Variants in SLC24A2 observed in about 807,000 individuals in gnomAD.
SLC24A2 encodes sodium/potassium/calcium exchanger 2.
In SLC24A2, 36 loss-of-function variants were observed where a neutral mutation model predicts 62.0. The observed-to-expected ratio is 0.58, with a 90% CI of 0.44 to 0.77. The LOEUF (loss-of-function observed/expected upper bound fraction) is 0.77, where lower values mean the gene tolerates loss of function less well. Among genes scored for constraint, SLC24A2 ranks in the 30% least tolerant of loss-of-function variants. SLC24A2 has a pLI of 0.00. For synonymous variants in SLC24A2, 358 were observed against 294.0 expected, an observed-to-expected ratio of 1.22 and a Z score of -2.23; for missense variants, 846 against 817.9, an observed-to-expected ratio of 1.03 and a Z score of -0.42.
chr9:19,605,246 G>C (rs1024752315), intron 4 of SLC24A2, among the ~76,000 whole-genome samples: 4 of 152,094 alleles, frequency 2.6e-5, no homozygotes, highest in African/African-American at 7.2e-5. Flanking sequence ...TTAATAGAGA[G>C]AATAAATGCT....
chr9:19,670,314 T>C (rs1167291401), intron 2 of SLC24A2, among the ~76,000 whole-genome samples: 1 of 152,212 alleles, frequency 6.6e-6, no homozygotes, highest in African/African-American at 2.4e-5. Flanking sequence ...AGTGCTGATA[T>C]TGACAAAAGC....
intron 2 of SLC24A2, among the ~76,000 whole-genome samples, chr9:19,736,664 C>A (rs1415096428): frequency 6.6e-6 from 1 of 152,064 alleles, no homozygotes; most frequent in East Asian, 1.9e-4. Context: ...CATAGTGAGA[C>A]CCTCGTCTCT....
At chr9:19,563,986 T>C (rs187982699) in intron 7 of SLC24A2, among the ~76,000 whole-genome samples, 62 of 151,876 alleles carry the variant, frequency 4.1e-4, no homozygotes, top group Admixed American at 1.4e-3. Context: ...CCAAAGTAGC[T>C]AGAACCACAG....
intron 2 of SLC24A2, among the ~76,000 whole-genome samples, chr9:19,734,133 T>A (rs961145716): frequency 6.6e-6 from 1 of 152,198 alleles, no homozygotes; most frequent in Non-Finnish European, 1.5e-5. Context: ...CACCATTTAT[T>A]AAATAGGGAA....
chr9:20,283,222 A>G, the SLC24A2 span, among the ~76,000 whole-genome samples: 2 of 152,192 alleles, frequency 1.3e-5, no homozygotes, highest in African/African-American at 4.8e-5. Flanking sequence ...GTTATTGGCC[A>G]TGTGTATTTG....
At chr9:19,967,250 A>G in the SLC24A2 span, 1 of 152,188 alleles carries the variant, frequency 6.6e-6, no homozygotes, top group East Asian at 1.9e-4. Context: ...CTAAATATAG[A>G]AAGCAAGTCA....
At chr9:19,543,107 G>T (rs1479682848) in intron 8 of SLC24A2, among the ~76,000 whole-genome samples, 2 of 152,130 alleles carry the variant, frequency 1.3e-5, no homozygotes, top group Non-Finnish European at 2.9e-5. Context: ...AATTTCAGAA[G>T]TTGTTATTGG....
At chr9:20,271,731 A>G in the SLC24A2 span, among the ~76,000 whole-genome samples, 1 of 152,282 alleles carries the variant, frequency 6.6e-6, no homozygotes, top group East Asian at 1.9e-4. Context: ...TTGTTATTTT[A>G]TTTTACTTGG....
Position 19,740,151 on chromosome 9 carries a change from C to A in SLC24A2, c.930+45786G>T, listed in dbSNP as rs1165269061. On this transcript the variant is annotated intron_variant, in intron 2 of 10. Transcript: ENST00000341998. Reference sequence around the variant, plus strand: ...TGGTGAAGGTAAAATAGTACAACCACTTTGAAAAATTCTTAGGCAGTATTT... The same window carrying A: ...TGGTGAAGGTAAAATAGTACAACCAATTTGAAAAATTCTTAGGCAGTATTT... Among the ~76,000 whole-genome samples the A allele has an allele frequency of 5.6e-5, 3 of 53,664 alleles. No homozygotes were observed. In the Admixed American group the frequency reaches 6.3e-4, roughly 11 times the overall value. The allele number at this position is 53,664 out of a possible 152,430, so 35.2% of individuals were successfully genotyped here. A position where few individuals can be genotyped will look rare whatever the true frequency, so the allele number is the denominator to read the frequency against.
Position 19,786,780 on chromosome 9 carries a change from A to T in SLC24A2, c.87T>A (p.Ser29Arg). ...ESLSGCRRHY[S>R]VKKKLKLIRV... is the part of the protein sequence containing the mutation. Reference sequence around the variant, plus strand: ...GAATTAACTTCAGTTTTTTCTTGACACTATAATGTCTTCTGCAGCCAGACA... The same window carrying T: ...GAATTAACTTCAGTTTTTTCTTGACTCTATAATGTCTTCTGCAGCCAGACA... The change falls in exon 2 of 11, where the codon AGT becomes AGA. Residue 29 changes from serine (S) to arginine (R), a missense_variant. By Grantham distance (110) the Ser-to-Arg change is moderately radical (BLOSUM62 -1). Coordinates refer to ENST00000341998, the MANE Select transcript of SLC24A2 (RefSeq NM_020344.4). The surrounding 1 kb of genome is among the most constrained non-coding windows in gnomAD (Gnocchi z 5.0). 6.2e-7 allele frequency: 1 copy of T among 1,604,888 alleles called. No individual in the cohort carries two copies. Among genetic ancestry groups the T allele is most frequent in the Non-Finnish European group, 8.5e-7 (1 of 1,175,684 alleles).
At chr9:19,739,969 A>G (rs1282981056) in intron 2 of SLC24A2, among the ~76,000 whole-genome samples, 7 of 152,192 alleles carry the variant, frequency 4.6e-5, no homozygotes, top group Non-Finnish European at 7.3e-5. Context: ...TCAATTACAG[A>G]ATATATTCAA....
chr9:19,905,008 T>C, the SLC24A2 span, among the ~76,000 whole-genome samples: 1 of 152,172 alleles, frequency 6.6e-6, no homozygotes, highest in African/African-American at 2.4e-5. Flanking sequence ...CAAAGTATAA[T>C]ATATAGCAAG....
chr9:20,099,600 G>T, the SLC24A2 span, among the ~76,000 whole-genome samples: 4 of 152,040 alleles, frequency 2.6e-5, no homozygotes, highest in African/African-American at 7.2e-5. Context: ...TGTATTAAAG[G>T]CCAGGCTCTA....
At chr9:19,997,279 G>C in the SLC24A2 span, among the ~76,000 whole-genome samples, 39 of 151,002 alleles carry the variant, frequency 2.6e-4, no homozygotes, top group African/African-American at 8.7e-4. Flanking sequence ...GGCACAGAAA[G>C]AAAGAGAAAG....
intron 2 of SLC24A2, among the ~76,000 whole-genome samples, chr9:19,643,607 C>T (rs1157546030): frequency 1.3e-5 from 2 of 152,166 alleles, no homozygotes; most frequent in Admixed American, 6.6e-5. Flanking sequence ...ATAACAGCCC[C>T]GAACTCTCTT....
At chr9:20,079,409 C>A in the SLC24A2 span, among the ~76,000 whole-genome samples, 1 of 152,012 alleles carries the variant, frequency 6.6e-6, no homozygotes, top group Admixed American at 6.5e-5. Flanking sequence ...TTGCAATTTT[C>A]TGTGCAAATA....
chr9:19,755,289 T>C (rs1167632733), intron 2 of SLC24A2, among the ~76,000 whole-genome samples: 1 of 152,146 alleles, frequency 6.6e-6, no homozygotes, highest in Non-Finnish European at 1.5e-5. Context: ...TTGTCCTAAG[T>C]TCTCATAGGA....
the SLC24A2 span, among the ~76,000 whole-genome samples, chr9:20,209,360 A>G: frequency 3.9e-5 from 6 of 152,230 alleles, no homozygotes; most frequent in African/African-American, 1.4e-4. Flanking sequence ...CAGCCATGCA[A>G]GAAAACTACT....
At chr9:19,769,889 G>A (rs749608293) in intron 2 of SLC24A2, among the ~76,000 whole-genome samples, 1 of 151,976 alleles carries the variant, frequency 6.6e-6, no homozygotes, top group Non-Finnish European at 1.5e-5. Flanking sequence ...TGTTCTATTT[G>A]GTCTGCTCAG....
Sources: gnomAD v4.1 joint callset for allele counts (sites outside exome capture counted in the v4.1 genomes callset) on GRCh38, gnomAD v4.1.1 for gene constraint, Gnocchi (gnomAD v3.1) non-coding constraint, MANE v1.5 for transcripts, NCBI Gene and HGNC (gene_info 2026-07-23, HGNC 2026-07-21) for gene names.